Variants in KCNU1 observed in about 807,000 individuals in gnomAD.
KCNU1 encodes the protein potassium calcium-activated channel subfamily U member 1.
A neutral mutation model predicts 126.8 loss-of-function variants in KCNU1; 93 were observed. That is an observed-to-expected ratio of 0.73 (90% CI 0.62 to 0.87). The LOEUF (loss-of-function observed/expected upper bound fraction) is 0.87, where lower values mean the gene tolerates loss of function less well. Ranked by LOEUF, KCNU1 falls within the 40% of genes least tolerant of loss-of-function variation. KCNU1 has a pLI of 0.00. For missense variants in KCNU1, 1,330 were observed against 1,367.1 expected (o/e 0.97, Z 0.43); for synonymous variants, 523 against 494.2 (o/e 1.06, Z -0.77).
chr8:36,805,900 G>A (rs904712386), intron 4 of KCNU1, among the ~76,000 whole-genome samples: 3 of 152,108 alleles, frequency 2.0e-5, no homozygotes, highest in Non-Finnish European at 4.4e-5. Context: ...CTGCAGTACA[G>A]TGAAGCGTTC....
intron 20 of KCNU1, among the ~76,000 whole-genome samples, chr8:36,908,554 G>A (rs1330893195): frequency 1.6e-5 from 2 of 127,286 alleles, no homozygotes; most frequent in Non-Finnish European, 3.1e-5. Context: ...TGAACCTGGA[G>A]ACCATCATTC....
Position 36,836,956 on chromosome 8 carries a change from A to G in KCNU1, c.1518+11A>G. On this transcript the variant is annotated intron_variant, in intron 14 of 26. Coordinates refer to ENST00000399881, the MANE Select transcript of KCNU1 (RefSeq NM_001031836.3). ...GAGCAAAACAAAAAGGTAACCTTGTAAATTACTGTTGATTCTTGGCTCTGT... is the reference window on the plus strand; with the variant it reads ...GAGCAAAACAAAAAGGTAACCTTGTGAATTACTGTTGATTCTTGGCTCTGT... 1 of 1,613,312 alleles carries G rather than the reference A, an allele frequency of 6.2e-7. No individual in the cohort carries two copies. The highest frequency in any genetic ancestry group is 2.2e-5 in the East Asian group (1 of 44,854).
At chr8:36,788,094 T>C (rs1802778892) in intron 2 of KCNU1, among the ~76,000 whole-genome samples, 1 of 152,116 alleles carries the variant, frequency 6.6e-6, no homozygotes, top group Admixed American at 6.5e-5. Context: ...AGACTCTTTA[T>C]TTCATTATGC....
At chr8:36,801,499 C>T (rs535968771) in intron 2 of KCNU1, among the ~76,000 whole-genome samples, 5 of 150,972 alleles carry the variant, frequency 3.3e-5, no homozygotes, top group African/African-American at 4.9e-5. Context: ...GGGTTGTAAA[C>T]GTAAGTAATA....
chr8:36,933,019 C>T lies in KCNU1; in HGVS notation c.3031C>T (p.Pro1011Ser), dbSNP rs765369290. The T allele has an allele frequency of 2.6e-6, 4 of 1,553,450 alleles. No homozygotes were observed. The East Asian group carries it at 9.5e-5, about 37-fold the overall frequency. ...YRIIDEEELN[P>S]ENKRFVITRP... The stretch of plus-strand genomic sequence containing the variant: ...AATAATTGATGAAGAGGAGCTCAAC[C>T]CAGAAAACAAAAGGGGAGTGTGCTA... The change falls in exon 26 of 27, where the codon CCA (proline) becomes TCA (serine). Residue 1011 changes from proline (P) to serine (S), a missense_variant. Coordinates refer to ENST00000399881, the MANE Select transcript of KCNU1 (RefSeq NM_001031836.3).
chr8:36,863,996 G>T (rs1805813590), intron 18 of KCNU1, among the ~76,000 whole-genome samples: 1 of 152,134 alleles, frequency 6.6e-6, no homozygotes, highest in Non-Finnish European at 1.5e-5. Context: ...AGCAAAAGGA[G>T]GTGATGTCCA....
chr8:36,897,879 C>T (rs1047564835), intron 19 of KCNU1, among the ~76,000 whole-genome samples: 5 of 152,056 alleles, frequency 3.3e-5, no homozygotes, highest in Admixed American at 2.6e-4. Flanking sequence ...CATTGTGTAA[C>T]ACACAGATGG....
intron 19 of KCNU1, among the ~76,000 whole-genome samples, chr8:36,889,581 T>C (rs575677273): frequency 8.5e-5 from 13 of 152,064 alleles, no homozygotes; most frequent in African/African-American, 3.1e-4. Context: ...TCCAAACTGA[T>C]ATAAAAGGGC....
intron 19 of KCNU1, chr8:36,889,004 C>A (rs553622872): frequency 1.2e-5 from 5 of 415,136 alleles, no homozygotes; most frequent in Non-Finnish European, 2.0e-5. Flanking sequence ...TCAGTCTCTT[C>A]AGTAGCTGAG....
intron 18 of KCNU1, among the ~76,000 whole-genome samples, chr8:36,850,967 T>C (rs1040212793): frequency 2.6e-5 from 4 of 152,224 alleles, no homozygotes; most frequent in African/African-American, 9.6e-5. Context: ...AGTACCACAC[T>C]GTCTTGATTA....
chr8:36,859,108 G>A (rs891660262), intron 18 of KCNU1, among the ~76,000 whole-genome samples: 3 of 152,080 alleles, frequency 2.0e-5, no homozygotes, highest in Non-Finnish European at 2.9e-5. Flanking sequence ...ACAGGTCAAT[G>A]GCTTGGTGTG....
chr8:36,894,347 G>T (rs1807097218), intron 19 of KCNU1, among the ~76,000 whole-genome samples: 1 of 152,104 alleles, frequency 6.6e-6, no homozygotes, highest in Non-Finnish European at 1.5e-5. Context: ...AGCAGAATTT[G>T]TAATCAAAGT....
chr8:36,851,656 T>C (rs10101401), intron 18 of KCNU1, among the ~76,000 whole-genome samples: 53,771 of 151,978 alleles, frequency 0.35, 10,092 homozygotes, highest in Admixed American at 0.43. Context: ...TTTATAGTTT[T>C]CACATCATAG....
intron 9 of KCNU1, among the ~76,000 whole-genome samples, chr8:36,817,268 G>A (rs1253554796): frequency 1.3e-5 from 2 of 151,760 alleles, no homozygotes; most frequent in African/African-American, 4.8e-5. Context: ...GGGAGGCTGA[G>A]GTGGGCGGAT....
intron 19 of KCNU1, among the ~76,000 whole-genome samples, chr8:36,877,694 A>C (rs949135236): frequency 3.3e-5 from 5 of 152,110 alleles, no homozygotes; most frequent in Non-Finnish European, 7.4e-5. Context: ...TGGTCTTTCC[A>C]TATCTACACT....
chr8:36,815,129 G>A (rs757258561), intron 8 of KCNU1, among the ~76,000 whole-genome samples: 16 of 152,020 alleles, frequency 1.1e-4, no homozygotes, highest in African/African-American at 2.2e-4. Context: ...TCAGGAGTTC[G>A]AGACCAGCCT....
At chr8:36,915,794 C>G (rs1216746374) in intron 22 of KCNU1, among the ~76,000 whole-genome samples, 1 of 152,186 alleles carries the variant, frequency 6.6e-6, no homozygotes, top group African/African-American at 2.4e-5. Context: ...CAATGACTAT[C>G]CTCTAAAGTT....
chr8:36,835,792 A>G (rs1804725787), intron 12 of KCNU1, among the ~76,000 whole-genome samples: 1 of 152,214 alleles, frequency 6.6e-6, no homozygotes, highest in South Asian at 2.1e-4. Flanking sequence ...TCCAGAGTAA[A>G]ATAAACACAG....
In KCNU1 at chr8:36,924,437, G is replaced by T. The variant is rs922924560; in HGVS notation, c.2736+1808G>T. 5.9e-5 allele frequency among the ~76,000 whole-genome samples: 9 copies of T among 152,194 alleles called. 1 individual carries two copies. In the South Asian group the frequency reaches 1.0e-3, roughly 17 times the overall value. On this transcript the variant is annotated intron_variant, in intron 24 of 26. Coordinates refer to ENST00000399881, the MANE Select transcript of KCNU1 (RefSeq NM_001031836.3). ...CCCTCCCTGACATCAATGCCATTCG[G>T]CATGAGATTGTGTTGCCCTGGGCTC...
Sources: gnomAD v4.1 joint callset for allele counts (sites outside exome capture counted in the v4.1 genomes callset) on GRCh38, gnomAD v4.1.1 for gene constraint, MANE v1.5 for transcripts, NCBI Gene and HGNC (gene_info 2026-07-23, HGNC 2026-07-21) for gene names.